PHLPP1: variants seen among roughly 807,000 people sequenced by gnomAD.
PHLPP1 encodes PH domain leucine-rich repeat-containing protein phosphatase 1.
PHLPP1 carries 42 observed loss-of-function variants against 117.2 expected under a neutral mutation model. The observed-to-expected ratio is 0.36, with a 90% CI of 0.28 to 0.46. PHLPP1 has a LOEUF of 0.46. PHLPP1 is among the 20% of genes least tolerant of loss of function. The pLI is 1.00. For synonymous variants in PHLPP1, 1,042 were observed against 970.7 expected (o/e 1.07, Z -1.37); for missense variants, 2,084 against 2,241.9 (o/e 0.93, Z 1.42).
At chr18:62,781,090 T>G (rs888565699) in intron 1 of PHLPP1, among the ~76,000 whole-genome samples, 7 of 152,248 alleles carry the variant, frequency 4.6e-5, no homozygotes, top group Non-Finnish European at 5.9e-5. Flanking sequence ...ACCACTTATT[T>G]GACTATTTGA....
At chr18:62,903,203 G>A (rs1467145599) in intron 7 of PHLPP1, 37 bp downstream of exon 7, 2 of 1,397,558 alleles carry the variant, frequency 1.4e-6, no homozygotes, top group East Asian at 2.3e-5. Context: ...TGCTCTTTTG[G>A]TTCCAGGAAT....
At chr18:62,782,995 T>C (rs1273431140) in intron 1 of PHLPP1, among the ~76,000 whole-genome samples, 1 of 146,204 alleles carries the variant, frequency 6.8e-6, no homozygotes, top group Non-Finnish European at 1.5e-5. Context: ...TGCTTCCAGC[T>C]CTCATAAGTA....
chr18:62,717,883 A>G (rs2122041396), intron 1 of PHLPP1, among the ~76,000 whole-genome samples: 1 of 152,244 alleles, frequency 6.6e-6, no homozygotes, highest in African/African-American at 2.4e-5. Flanking sequence ...TTCGTCTGCA[A>G]GTTTGTCTTG....
chr18:62,771,823 T>C (rs565840870), intron 1 of PHLPP1, among the ~76,000 whole-genome samples: 9 of 152,362 alleles, frequency 5.9e-5, no homozygotes, highest in Non-Finnish European at 1.2e-4. Flanking sequence ...CTCTAGGCCT[T>C]CAGTAAGCCC....
In PHLPP1 at chr18:62,936,430, G is replaced by C. The variant is rs560678022; in HGVS notation, c.2961-5288G>C. Among the ~76,000 whole-genome samples the C allele has an allele frequency of 2.6e-5, 4 of 152,262 alleles. No homozygotes were observed. The South Asian group carries it at 8.3e-4, about 32-fold the overall frequency. ...AACAACACAGAAATGATTGTTACAA[G>C]CACAAATGCTAAATTAATGGGCAAA... On this transcript the variant is annotated intron_variant, in intron 10 of 16. Transcript: ENST00000262719.
chr18:62,868,953 C>T (rs1038475986), intron 4 of PHLPP1, among the ~76,000 whole-genome samples: 1 of 152,086 alleles, frequency 6.6e-6, no homozygotes, highest in African/African-American at 2.4e-5. Context: ...TAAAAGTAAA[C>T]CAAGTCACTG....
intron 14 of PHLPP1, among the ~76,000 whole-genome samples, chr18:62,965,138 C>G (rs1281012703): frequency 1.3e-5 from 2 of 152,156 alleles, no homozygotes; most frequent in African/African-American, 4.8e-5. Context: ...GCTTGGCCCT[C>G]CCTTTATATT....
At chr18:62,747,688 T>A (rs918942118) in intron 1 of PHLPP1, among the ~76,000 whole-genome samples, 1 of 152,084 alleles carries the variant, frequency 6.6e-6, no homozygotes, top group Non-Finnish European at 1.5e-5. Flanking sequence ...GGCTAATTTT[T>A]AAAAAATGTT....
At chr18:62,788,115 T>A (rs974818823) in intron 1 of PHLPP1, among the ~76,000 whole-genome samples, 21 of 152,352 alleles carry the variant, frequency 1.4e-4, no homozygotes, top group Admixed American at 9.8e-4. Context: ...ATTTTCTATC[T>A]GTTTGAAGCT....
chr18:62,875,672 G>A lies in PHLPP1; in HGVS notation c.2066+15071G>A, dbSNP rs118077501. 5.2e-4 allele frequency among the ~76,000 whole-genome samples: 79 copies of A among 151,626 alleles called. 2 individuals carry two copies. The East Asian group carries it at 0.013, about 26-fold the overall frequency. On this transcript the variant is annotated intron_variant, in intron 4 of 16. Transcript: ENST00000262719. ...ATTCATTCAATTTTATGTATTCTTC[G>A]CAAAAGGTATTTGTAGCAACTTCTT...
chr18:62,851,406 C>A (rs1915346520), intron 3 of PHLPP1, among the ~76,000 whole-genome samples: 1 of 152,188 alleles, frequency 6.6e-6, no homozygotes, highest in Admixed American at 6.5e-5. Flanking sequence ...ATTTTAAAAT[C>A]ATAGATCCTA....
intron 1 of PHLPP1, among the ~76,000 whole-genome samples, chr18:62,752,253 G>A (rs762268996): frequency 2.6e-5 from 4 of 152,028 alleles, no homozygotes; most frequent in Admixed American, 6.6e-5. Flanking sequence ...GGCCCCCCGC[G>A]CCCCCACCCA....
intron 11 of PHLPP1, among the ~76,000 whole-genome samples, chr18:62,942,597 G>A (rs554072391): frequency 4.6e-5 from 7 of 152,144 alleles, no homozygotes; most frequent in Admixed American, 6.5e-5. Context: ...TTCGGTGAGC[G>A]GTGACATTAT....
At chr18:62,744,175 T>C (rs548363934) in intron 1 of PHLPP1, among the ~76,000 whole-genome samples, 3 of 152,368 alleles carry the variant, frequency 2.0e-5, no homozygotes, top group Non-Finnish European at 4.4e-5. Flanking sequence ...TCAGAGTATC[T>C]GGGCACCCCA....
At chr18:62,937,253 G>A (rs758344935) in intron 10 of PHLPP1, among the ~76,000 whole-genome samples, 16 of 152,240 alleles carry the variant, frequency 1.1e-4, no homozygotes, top group Non-Finnish European at 2.2e-4. Flanking sequence ...GCAGGAAATG[G>A]ATTTGTCTCA....
Position 62,860,573 on chromosome 18 carries a change from G to A in PHLPP1, c.2038G>A (p.Ala680Thr), listed in dbSNP as rs1206995946. 2 of 1,613,206 alleles carry A rather than the reference G, an allele frequency of 1.2e-6. No individual in the cohort carries two copies. The highest frequency in any genetic ancestry group is 2.7e-5 in the African/African-American group (2 of 75,016). The change falls in exon 4 of 17, where the codon GCT (alanine) becomes ACT (threonine). Residue 680 changes from alanine to threonine, a missense_variant. Coordinates refer to ENST00000262719, the MANE Select transcript of PHLPP1 (RefSeq NM_194449.4). ...CCTAAGGCAGAACCCTAGCCTTCCAGCTGCCAGGGGGCTTAATGAACTGCA... is the reference window on the plus strand; with the variant it reads ...CCTAAGGCAGAACCCTAGCCTTCCAACTGCCAGGGGGCTTAATGAACTGCA... ...NFLRQNPSLP[A>T]ARGLNELQRF...
At chr18:62,839,784 A>T (rs1313850309) in intron 3 of PHLPP1, 1 of 146,712 alleles carries the variant, frequency 6.8e-6, no homozygotes, top group Non-Finnish European at 1.5e-5. Context: ...TATATTTTAT[A>T]ATATATATAT....
chr18:62,873,421 G>A (rs1227855982), intron 4 of PHLPP1, among the ~76,000 whole-genome samples: 2 of 152,164 alleles, frequency 1.3e-5, no homozygotes, highest in African/African-American at 2.4e-5. Flanking sequence ...TTAATTCTAT[G>A]TGTGGAAATT....
chr18:62,832,687 GAGTT>G (rs1373555051), intron 2 of PHLPP1, among the ~76,000 whole-genome samples: 1 of 151,928 alleles, frequency 6.6e-6, no homozygotes, highest in Non-Finnish European at 1.5e-5. Context: ...TCTGTTGACT[GAGTT>G]AGGGAAAAAT....
Sources: allele counts gnomAD v4.1 joint callset (sites outside exome capture counted in the v4.1 genomes callset), GRCh38; gene constraint gnomAD v4.1.1; transcripts MANE v1.5; gene names NCBI Gene and HGNC (gene_info 2026-07-23, HGNC 2026-07-21).